Variants in MLLT1 observed in about 807,000 individuals in gnomAD.
MLLT1 encodes MLLT1 super elongation complex subunit.
A neutral mutation model predicts 55.1 loss-of-function variants in MLLT1; 11 were observed. That is an observed-to-expected ratio of 0.20 (90% confidence interval 0.13 to 0.33). The LOEUF (loss-of-function observed/expected upper bound fraction) is 0.33. Ranked by LOEUF, MLLT1 falls within the 10% of genes least tolerant of loss-of-function variation. The pLI is 1.00. For missense variants in MLLT1, 536 were observed against 760.6 expected, an observed-to-expected ratio of 0.70 and a Z score of 3.47; for synonymous variants, 323 against 320.1, an observed-to-expected ratio of 1.01 and a Z score of -0.10.
intron 3 of MLLT1, among the ~76,000 whole-genome samples, chr19:6,254,248 C>T (rs984134185): frequency 6.6e-6 from 1 of 152,202 alleles, no homozygotes; most frequent in Non-Finnish European, 1.5e-5. Context: ...AAAGGGGTTC[C>T]GAGAGCTTCC....
In MLLT1 at chr19:6,267,150, G is replaced by A. The variant is rs111695251; in HGVS notation, c.193+3429C>T. On this transcript the variant is annotated intron_variant, in intron 2 of 11. Coordinates refer to ENST00000252674, the MANE Select transcript of MLLT1 (RefSeq NM_005934.4). ...ATAGTTTCGCTCTGTCGCCCAGGCC[G>A]GAGTGCACTGGCATGATCTCGGCTC... Among the ~76,000 whole-genome samples the A allele has an allele frequency of 2.5e-3, 377 of 152,048 alleles. 2 individuals carry two copies. The highest frequency in any genetic ancestry group is 8.8e-3 in the African/African-American group (363 of 41,458).
chr19:6,217,456 C>A (rs2090856281), intron 7 of MLLT1, among the ~76,000 whole-genome samples: 1 of 152,146 alleles, frequency 6.6e-6, no homozygotes, highest in Admixed American at 6.5e-5. Flanking sequence ...GCTGGTGCAG[C>A]CAATGGGCCT....
intron 3 of MLLT1, among the ~76,000 whole-genome samples, chr19:6,245,268 T>G (rs1466749066): frequency 6.6e-6 from 1 of 151,108 alleles, no homozygotes; most frequent in Non-Finnish European, 1.5e-5. Context: ...TTTTTTTTTT[T>G]TTTTAAAGAG....
rs2091105439 is a variant in MLLT1, at chr19:6,240,632, C to G, written c.277-9919G>C. Among the ~76,000 whole-genome samples the G allele has an allele frequency of 6.6e-6, 1 of 152,190 alleles. No individual in the cohort carries two copies. The highest frequency in any genetic ancestry group is 2.4e-5 in the African/African-American group (1 of 41,440). On this transcript the variant is annotated intron_variant, in intron 3 of 11. Coordinates refer to ENST00000252674, the MANE Select transcript of MLLT1 (RefSeq NM_005934.4). The surrounding 1 kb of genome is among the most constrained non-coding windows in gnomAD (Gnocchi z 4.7). ...CCACGAGACTGAGAGCACCACGGAACCCTACAGCTCTCAGATTCAAAAGCG... is the reference window on the plus strand; with the variant it reads ...CCACGAGACTGAGAGCACCACGGAAGCCTACAGCTCTCAGATTCAAAAGCG...
At position 6,272,695 on chromosome 19, in the gene MLLT1, GC is replaced by G. The variant is rs2091405067; in HGVS notation, c.13-1937del. Among the ~76,000 whole-genome samples, 3 of 152,224 alleles carry G rather than the reference GC, an allele frequency of 2.0e-5. No individual in the cohort carries two copies. The South Asian group carries it at 6.2e-4, about 31-fold the overall frequency. The stretch of plus-strand genomic sequence containing the variant: ...CTATCTTGAAACCACGGGACAGGAG[GC>G]CTGGACGATGCTGGATTAATTAAAC... On this transcript the variant is annotated intron_variant, in intron 1 of 11. Coordinates refer to ENST00000252674, the MANE Select transcript of MLLT1 (RefSeq NM_005934.4).
intron 3 of MLLT1, among the ~76,000 whole-genome samples, chr19:6,258,477 C>T (rs775873076): frequency 3.3e-4 from 50 of 152,190 alleles, no homozygotes; most frequent in Non-Finnish European, 1.3e-4. Flanking sequence ...CGTCTTGCTT[C>T]GGAAAAACTT....
At chr19:6,215,299 C>T (rs1014809326) in intron 8 of MLLT1, among the ~76,000 whole-genome samples, 9 of 152,240 alleles carry the variant, frequency 5.9e-5, no homozygotes, top group South Asian at 2.1e-4. Flanking sequence ...CCGAACCTTC[C>T]GTCAGCCTCT....
At chr19:6,250,661 CTG>C (rs1249720612) in intron 3 of MLLT1, among the ~76,000 whole-genome samples, 2 of 152,194 alleles carry the variant, frequency 1.3e-5, no homozygotes, top group African/African-American at 2.4e-5. Context: ...TTTTAGAACT[CTG>C]TGGATTTTTT....
intron 1 of MLLT1, among the ~76,000 whole-genome samples, chr19:6,271,438 C>T (rs186403199): frequency 9.2e-5 from 14 of 152,282 alleles, no homozygotes; most frequent in African/African-American, 2.6e-4. Context: ...GGCCAGCCTG[C>T]GGCCCCCTGG....
At chr19:6,234,301 A>G (rs2091039752) in intron 3 of MLLT1, among the ~76,000 whole-genome samples, 1 of 152,170 alleles carries the variant, frequency 6.6e-6, no homozygotes, top group South Asian at 2.1e-4. Context: ...GCCCCTGCGG[A>G]GGGGGAGCCC....
At chr19:6,216,682 A>C in intron 7 of MLLT1, 169 bp from the exon 8 acceptor site, 7 of 535,448 alleles carry the variant, frequency 1.3e-5, no homozygotes, top group Admixed American at 3.5e-5. Context: ...CTGCCCCCAC[A>C]CCGGCAGCCA....
intron 3 of MLLT1, among the ~76,000 whole-genome samples, chr19:6,247,540 T>C (rs965547635): frequency 1.1e-4 from 17 of 152,238 alleles, no homozygotes; most frequent in South Asian, 4.1e-4. Context: ...AATAACTGAA[T>C]ACATAAATGG....
At chr19:6,213,912 C>T (rs778923428) in intron 9 of MLLT1, 27 bp downstream of exon 9, 12 of 1,472,282 alleles carry the variant, frequency 8.2e-6, no homozygotes, top group African/African-American at 1.4e-5. Flanking sequence ...CTCTGGTGCA[C>T]CCCCTGCCTG....
At chr19:6,267,738 T>C (rs910690872) in intron 2 of MLLT1, among the ~76,000 whole-genome samples, 2 of 152,168 alleles carry the variant, frequency 1.3e-5, no homozygotes, top group African/African-American at 4.8e-5. Flanking sequence ...TCCCAACTCT[T>C]ACAGTCAATC....
In MLLT1 at chr19:6,222,948, G is replaced by C. The variant is rs540186023; in HGVS notation, c.547-264C>G. Among the ~76,000 whole-genome samples, 2 of 152,322 alleles carry C rather than the reference G, an allele frequency of 1.3e-5. No individual in the cohort carries two copies. Among genetic ancestry groups the C allele is most frequent in the Admixed American group, 6.5e-5 (1 of 15,296 alleles). On this transcript the variant is annotated intron_variant, in intron 5 of 11. Transcript: ENST00000252674. The surrounding 1 kb of genome is among the most constrained non-coding windows in gnomAD (Gnocchi z 4.1). ...CCTCAGAATTGAACTGACATTCCCT[G>C]AGGGATTCAAGAAGAGCACAGGGTG...
intron 3 of MLLT1, among the ~76,000 whole-genome samples, chr19:6,258,856 C>T (rs1337996538): frequency 6.6e-6 from 1 of 152,212 alleles, no homozygotes; most frequent in Admixed American, 6.5e-5. Context: ...GGCTCCCTTT[C>T]TCCACTGAAC....
In MLLT1 at chr19:6,213,420, G is replaced by C; in HGVS notation, c.1480-12C>G. 2.5e-6 allele frequency: 4 copies of C among 1,609,452 alleles called. No individual in the cohort carries two copies. Among genetic ancestry groups the C allele is most frequent in the Non-Finnish European group, 3.4e-6 (4 of 1,178,790 alleles). ...TCATCCGTGTAGGCCTGGGGAGGGGGGGCAGGTCTCAGCAGCGTGTGGGGG... is the reference window on the plus strand; with the variant it reads ...TCATCCGTGTAGGCCTGGGGAGGGGCGGCAGGTCTCAGCAGCGTGTGGGGG... On this transcript the variant is annotated splice_polypyrimidine_tract_variant and intron_variant, in intron 10 of 11. Transcript: ENST00000252674.
rs760124955 is a variant in MLLT1, at chr19:6,213,413, GGA to G, written c.1480-7_1480-6del. ...CACCAGCTCATCCGTGTAGGCCTGG[GGA>G]GGGGGGGCAGGTCTCAGCAGCGTGT... is the stretch of plus-strand genomic sequence containing the variant. On this transcript the variant is annotated splice_polypyrimidine_tract_variant and splice_region_variant and intron_variant, in intron 10 of 11. Transcript: ENST00000252674. The G allele has an allele frequency of 1.1e-5, 18 of 1,610,284 alleles. No individual in the cohort carries two copies. Among genetic ancestry groups the G allele is most frequent in the Non-Finnish European group, 1.3e-5 (15 of 1,179,222 alleles).
At chr19:6,220,366 C>A (rs1024543144) in intron 6 of MLLT1, among the ~76,000 whole-genome samples, 3 of 152,236 alleles carry the variant, frequency 2.0e-5, no homozygotes, top group African/African-American at 7.2e-5. Flanking sequence ...CCCGCACAGA[C>A]CTCGGGGCGC....
Sources: gnomAD v4.1 joint callset for allele counts (sites outside exome capture counted in the v4.1 genomes callset) on GRCh38, gnomAD v4.1.1 for gene constraint, Gnocchi (gnomAD v3.1) non-coding constraint, MANE v1.5 for transcripts, NCBI Gene and HGNC (gene_info 2026-07-23, HGNC 2026-07-21) for gene names.